UBAP1L: variants seen among roughly 807,000 people sequenced by gnomAD.
The protein encoded by UBAP1L is ubiquitin associated protein 1 like.
A neutral mutation model predicts 32.1 loss-of-function variants in UBAP1L; 32 were observed. That is an observed-to-expected ratio of 1.00 (90% CI 0.75 to 1.34). The LOEUF (loss-of-function observed/expected upper bound fraction) is 1.34. UBAP1L is among the 40% of genes most tolerant of loss of function. The pLI is 0.00. For missense variants in UBAP1L, 516 were observed against 540.5 expected, an observed-to-expected ratio of 0.95 and a Z score of 0.45; for synonymous variants, 243 against 250.2, an observed-to-expected ratio of 0.97 and a Z score of 0.27.
intron 4 of UBAP1L, chr15:65,097,259 C>T (rs2087185553): frequency 6.6e-6 from 1 of 152,324 alleles, no homozygotes; most frequent in African/African-American, 2.4e-5. Flanking sequence ...GGCCTGAGAC[C>T]TCAGCCTTAC....
chr15:65,112,913 T>C (rs1018895724), intron 1 of UBAP1L, among the ~76,000 whole-genome samples: 6 of 152,162 alleles, frequency 3.9e-5, no homozygotes, highest in African/African-American at 1.2e-4. Context: ...ATCTCCTAAA[T>C]CTCTGGAATC....
At chr15:65,105,543 C>G (rs1250149923) in intron 2 of UBAP1L, 5 of 519,144 alleles carry the variant, frequency 9.6e-6, no homozygotes, top group Non-Finnish European at 1.8e-5. Context: ...AATGGTTCAC[C>G]ATTCATTTGA....
chr15:65,110,315 C>G (rs987834490), intron 1 of UBAP1L, among the ~76,000 whole-genome samples: 2 of 151,136 alleles, frequency 1.3e-5, no homozygotes, highest in Admixed American at 1.3e-4. Flanking sequence ...GCTGAAATCG[C>G]GCGACTGCAC....
intron 1 of UBAP1L, among the ~76,000 whole-genome samples, chr15:65,108,551 C>G (rs1049329078): frequency 1.3e-5 from 2 of 151,970 alleles, no homozygotes; most frequent in Admixed American, 6.6e-5. Context: ...TTGAGATGAG[C>G]ATGGGCAACA....
Position 65,094,088 on chromosome 15 carries a change from T to C in UBAP1L, c.1011+387A>G, listed in dbSNP as rs2087147521. ...CTATTGGGCCTACAGCTGCATGCAC[T>C]TGGGGTAGGCGGCACGCTCCCCAAG... On this transcript the variant is annotated intron_variant, in intron 5 of 5. Transcript: ENST00000559089. The surrounding 1 kb of genome is among the most constrained non-coding windows in gnomAD (Gnocchi z 4.2). Among the ~76,000 whole-genome samples the C allele has an allele frequency of 6.6e-6, 1 of 152,204 alleles. No individual in the cohort carries two copies. The highest frequency in any genetic ancestry group is 1.5e-5 in the Non-Finnish European group (1 of 68,030).
At chr15:65,103,440 TTCC>T (rs2087266839) in intron 2 of UBAP1L, among the ~76,000 whole-genome samples, 1 of 152,224 alleles carries the variant, frequency 6.6e-6, no homozygotes, top group Non-Finnish European at 1.5e-5. Context: ...CATATTCCTG[TTCC>T]CTACCTTTAA....
intron 4 of UBAP1L, chr15:65,096,411 C>T (rs2087174429): frequency 6.6e-6 from 1 of 152,244 alleles, no homozygotes; most frequent in South Asian, 2.1e-4. Context: ...TTGATCTATA[C>T]TATGCCACAG....
At chr15:65,093,578 C>T (rs1444268991) in intron 5 of UBAP1L, among the ~76,000 whole-genome samples, 6 of 152,218 alleles carry the variant, frequency 3.9e-5, no homozygotes, top group East Asian at 1.9e-4. Flanking sequence ...GGTCCCTGCC[C>T]GTGCCCTGAA....
At chr15:65,107,732 G>A (rs1433169293) in intron 1 of UBAP1L, among the ~76,000 whole-genome samples, 3 of 79,464 alleles carry the variant, frequency 3.8e-5, no homozygotes, top group South Asian at 1.2e-3. Context: ...AGAAGGAAAC[G>A]CTGTCTCAAA....
At chr15:65,109,482 CAA>C (rs571155403) in intron 1 of UBAP1L, among the ~76,000 whole-genome samples, 9 of 63,140 alleles carry the variant, frequency 1.4e-4, no homozygotes, top group Admixed American at 4.4e-4. Flanking sequence ...GAATCTGTCT[CAA>C]AAAAAAAAAA....
In UBAP1L at chr15:65,102,242, G is replaced by A. The variant is rs1158952803; in HGVS notation, c.563C>T (p.Pro188Leu). The A allele has an allele frequency of 1.6e-6, 2 of 1,275,186 alleles. No homozygotes were observed. Among genetic ancestry groups the A allele is most frequent in the African/African-American group, 1.6e-5 (1 of 63,194 alleles). 79.0% of individuals were successfully genotyped at this position (1,275,186 alleles called of 1,614,324 possible). The part of the protein sequence containing the change: ...LRGHRALSLC[P>L]SPAQSPRSAS... Reference sequence around the variant, plus strand: ...AGACCTGGGGGACTGCGCAGGGCTCGGGCACAGGCTCAGCGCGCGGTGGCC... The same window carrying A: ...AGACCTGGGGGACTGCGCAGGGCTCAGGCACAGGCTCAGCGCGCGGTGGCC... The change falls in exon 3 of 6, where the codon CCG becomes CTG. Residue 188 changes from proline to leucine, a missense_variant. Coordinates refer to ENST00000559089, the MANE Select transcript of UBAP1L (RefSeq NM_001163692.2). The surrounding 1 kb of genome is among the most constrained non-coding windows in gnomAD (Gnocchi z 5.0).
chr15:65,093,777 C>T lies in UBAP1L; in HGVS notation c.1012-546G>A, dbSNP rs574274846. Among the ~76,000 whole-genome samples, 10 of 152,368 alleles carry T rather than the reference C, an allele frequency of 6.6e-5. No individual in the cohort carries two copies. The East Asian group carries it at 1.9e-3, about 29-fold the overall frequency. ...TGACTACTGGGGCCGGGTGCGGTGG[C>T]TCACGCCTGTAATCCCAGCACTTTG... On this transcript the variant is annotated intron_variant, in intron 5 of 5. Transcript: ENST00000559089.
rs960244487 is a variant in UBAP1L at position 65,102,732 on chromosome 15, G to T, written c.121-48C>A. ...AGCCCAGGGCAAACCAGGACCCCGGGGGCACAACACTAACCCCTGGCCTGG... is the reference window on the plus strand; with the variant it reads ...AGCCCAGGGCAAACCAGGACCCCGGTGGCACAACACTAACCCCTGGCCTGG... On this transcript the variant is annotated intron_variant, in intron 2 of 5. Transcript: ENST00000559089. This position sits in a 1 kb window ranked among gnomAD's most constrained non-coding sequence, Gnocchi z 5.0. 2.6e-6 allele frequency: 4 copies of T among 1,512,636 alleles called. No individual in the cohort carries two copies. The African/African-American group carries it at 5.5e-5, about 21-fold the overall frequency. 93.7% of individuals were successfully genotyped at this position (1,512,636 alleles called of 1,614,324 possible).
intron 1 of UBAP1L, among the ~76,000 whole-genome samples, chr15:65,112,719 G>C (rs1238238506): frequency 6.6e-6 from 1 of 152,130 alleles, no homozygotes; most frequent in African/African-American, 2.4e-5. Flanking sequence ...TGCCTACACA[G>C]TGTCTCAAGA....
chr15:65,104,685 G>A (rs1196039281), intron 2 of UBAP1L, among the ~76,000 whole-genome samples: 1 of 152,188 alleles, frequency 6.6e-6, no homozygotes. Flanking sequence ...AGTCCACCTG[G>A]GCAACATAGT....
intron 2 of UBAP1L, among the ~76,000 whole-genome samples, chr15:65,103,508 C>G (rs897708142): frequency 1.3e-5 from 2 of 152,146 alleles, no homozygotes; most frequent in African/African-American, 4.8e-5. Flanking sequence ...GTTTTAAAGG[C>G]AATTTGTTCT....
At chr15:65,110,730 T>C (rs193220974) in intron 1 of UBAP1L, among the ~76,000 whole-genome samples, 13 of 150,908 alleles carry the variant, frequency 8.6e-5, no homozygotes, top group Non-Finnish European at 1.6e-4. Context: ...AACAAACTCA[T>C]TCACACAGAA....
chr15:65,107,452 C>T (rs927834822), intron 1 of UBAP1L, among the ~76,000 whole-genome samples: 21 of 151,624 alleles, frequency 1.4e-4, no homozygotes, highest in Non-Finnish European at 2.6e-4. Flanking sequence ...CATTTTAGGC[C>T]AGGTGCAGTG....
chr15:65,108,520 G>T (rs1033199810), intron 1 of UBAP1L, among the ~76,000 whole-genome samples: 1 of 151,942 alleles, frequency 6.6e-6, no homozygotes, highest in Non-Finnish European at 1.5e-5. Context: ...CCAGGCAGGA[G>T]GATCAGTTGA....
Sources: gnomAD v4.1 joint callset for allele counts (sites outside exome capture counted in the v4.1 genomes callset) on GRCh38, gnomAD v4.1.1 for gene constraint, Gnocchi (gnomAD v3.1) non-coding constraint, MANE v1.5 for transcripts, NCBI Gene and HGNC (gene_info 2026-07-23, HGNC 2026-07-21) for gene names.